Variants in FAM13A observed in about 807,000 individuals in gnomAD.
The protein encoded by FAM13A is family with sequence similarity 13 member A.
A neutral mutation model predicts 129.6 loss-of-function variants in FAM13A; 76 were observed. That is an observed-to-expected ratio of 0.59 (90% CI 0.49 to 0.71). The LOEUF is 0.71. Ranked by LOEUF, FAM13A falls within the 30% of genes least tolerant of loss-of-function variation. FAM13A has a pLI of 0.00. For synonymous variants in FAM13A, 443 were observed against 449.9 expected, an observed-to-expected ratio of 0.98 and a Z score of 0.20; for missense variants, 1,108 against 1,249.3, an observed-to-expected ratio of 0.89 and a Z score of 1.70.
intron 1 of FAM13A, among the ~76,000 whole-genome samples, chr4:89,041,817 G>A (rs977898144): frequency 2.6e-5 from 4 of 151,964 alleles, no homozygotes; most frequent in South Asian, 4.2e-4. Flanking sequence ...CTACTCCAGA[G>A]GCTGAGGCAC....
intron 1 of FAM13A, among the ~76,000 whole-genome samples, chr4:89,036,898 A>T (rs1404386697): frequency 6.6e-6 from 1 of 152,212 alleles, no homozygotes; most frequent in African/African-American, 2.4e-5. Context: ...CTATGGGTGC[A>T]CAGAGGGCAA....
intron 4 of FAM13A, among the ~76,000 whole-genome samples, chr4:88,986,619 C>A (rs68145450): frequency 1.5e-4 from 23 of 152,322 alleles, no homozygotes; most frequent in Non-Finnish European, 1.6e-4. Context: ...TAGGACAGTA[C>A]GGACTGCCCG....
At chr4:88,907,633 A>T (rs1334157477) in intron 5 of FAM13A, among the ~76,000 whole-genome samples, 1 of 152,178 alleles carries the variant, frequency 6.6e-6, no homozygotes, top group East Asian at 1.9e-4. Flanking sequence ...GCTAGGAACT[A>T]TTATCATCAT....
intron 6 of FAM13A, among the ~76,000 whole-genome samples, chr4:88,880,085 C>T (rs531400186): frequency 9.0e-4 from 137 of 152,012 alleles, no homozygotes; most frequent in South Asian, 4.6e-3. Context: ...AATATAAAAT[C>T]CAAGGGAAGC....
rs558008589 is a variant in FAM13A, at chr4:89,014,747, G to C, written c.427+5713C>G. ...TGTCTTACTTTAATCTCTTAATCCT[G>C]TCATCTTCATAAGCTGAGGATGTAT... On this transcript the variant is annotated intron_variant, in intron 3 of 23. Transcript: ENST00000264344. 1.3e-4 allele frequency among the ~76,000 whole-genome samples: 20 copies of C among 152,176 alleles called. No homozygotes were observed. In the South Asian group the frequency reaches 1.5e-3, roughly 11 times the overall value.
At chr4:88,859,442 C>T (rs1739112419) in intron 6 of FAM13A, among the ~76,000 whole-genome samples, 1 of 152,046 alleles carries the variant, frequency 6.6e-6, no homozygotes, top group South Asian at 2.1e-4. Context: ...ACACTGTGGG[C>T]CCAGAGGCAG....
rs201959367 is a variant in FAM13A at position 88,768,070 on chromosome 4, A to G, written c.1459-11T>C. On this transcript the variant is annotated splice_polypyrimidine_tract_variant and intron_variant, in intron 11 of 23. Coordinates refer to ENST00000264344, the MANE Select transcript of FAM13A (RefSeq NM_014883.4). ...GAGACTTTCCATATTCTGTAACAGAACCATTATTGGTTGCCTAATAGGAAT... is the reference window on the plus strand; with the variant it reads ...GAGACTTTCCATATTCTGTAACAGAGCCATTATTGGTTGCCTAATAGGAAT... The G allele has an allele frequency of 3.9e-6, 6 of 1,555,382 alleles. No homozygotes were observed. The African/African-American group carries it at 6.8e-5, about 18-fold the overall frequency.
At chr4:88,863,353 G>GGTGTGCCCAGAAGGGGCACTGAAGTT (rs1224391424) in intron 6 of FAM13A, among the ~76,000 whole-genome samples, 45 of 152,278 alleles carry the variant, frequency 3.0e-4, no homozygotes, top group Admixed American at 5.9e-4. Context: ...CTGCGAGGGT[G>GGTGTGCCCAGAAGGGGCACTGAAGTT]GTGTGCCCAG....
chr4:89,030,651 G>A (rs1768564010), intron 1 of FAM13A, among the ~76,000 whole-genome samples: 1 of 152,086 alleles, frequency 6.6e-6, no homozygotes, highest in Non-Finnish European at 1.5e-5. Flanking sequence ...ATCTAGAGTT[G>A]AGGAAGCAAA....
chr4:88,998,831 A>G (rs1763885939), intron 3 of FAM13A, among the ~76,000 whole-genome samples: 1 of 152,204 alleles, frequency 6.6e-6, no homozygotes, highest in Admixed American at 6.5e-5. Flanking sequence ...AGAAGCTTAT[A>G]TAGGCAACAG....
At chr4:88,911,744 C>T (rs925680960) in intron 5 of FAM13A, among the ~76,000 whole-genome samples, 7 of 152,208 alleles carry the variant, frequency 4.6e-5, no homozygotes, top group Non-Finnish European at 1.0e-4. Context: ...GTGACCATTC[C>T]CATCAATCAC....
At chr4:88,939,482 T>A (rs1421510846) in intron 4 of FAM13A, among the ~76,000 whole-genome samples, 1 of 152,196 alleles carries the variant, frequency 6.6e-6, no homozygotes, top group Non-Finnish European at 1.5e-5. Context: ...ATCCCTACCT[T>A]AATCACATCT....
intron 4 of FAM13A, among the ~76,000 whole-genome samples, chr4:88,966,775 T>C (rs1053296685): frequency 1.3e-5 from 2 of 152,168 alleles, no homozygotes; most frequent in African/African-American, 4.8e-5. Flanking sequence ...ATCAGAAATG[T>C]TATATTGAAT....
chr4:88,886,174 C>G (rs1191084129), intron 6 of FAM13A, among the ~76,000 whole-genome samples: 1 of 152,082 alleles, frequency 6.6e-6, no homozygotes, highest in Non-Finnish European at 1.5e-5. Context: ...GGGTATCTAC[C>G]CAGAGGAAGA....
At chr4:89,047,084 G>A (rs1770952990) in intron 1 of FAM13A, among the ~76,000 whole-genome samples, 2 of 152,126 alleles carry the variant, frequency 1.3e-5, no homozygotes, top group African/African-American at 4.8e-5. Context: ...CAGGGGAAGG[G>A]CAAGTAACAG....
At chr4:88,746,806 C>T (rs1311629422) in intron 19 of FAM13A, 126 bp downstream of exon 19, 2 of 661,982 alleles carry the variant, frequency 3.0e-6, no homozygotes, top group Non-Finnish European at 5.4e-6. Flanking sequence ...ATATACTAAC[C>T]TCCTTTATCC....
At chr4:88,959,707 A>G (rs1426255165) in intron 4 of FAM13A, among the ~76,000 whole-genome samples, 1 of 152,226 alleles carries the variant, frequency 6.6e-6, no homozygotes, top group East Asian at 1.9e-4. Flanking sequence ...AACAGTCCAC[A>G]TGGATAATCC....
At chr4:88,908,766 G>C (rs1748564033) in intron 5 of FAM13A, among the ~76,000 whole-genome samples, 1 of 152,208 alleles carries the variant, frequency 6.6e-6, no homozygotes, top group South Asian at 2.1e-4. Flanking sequence ...GGAAGAAGTA[G>C]TATTTATTGA....
At chr4:88,982,587 C>A (rs981306323) in intron 4 of FAM13A, among the ~76,000 whole-genome samples, 2 of 152,306 alleles carry the variant, frequency 1.3e-5, no homozygotes, top group African/African-American at 2.4e-5. Context: ...ACTAGACTAA[C>A]TTCCTTTTAT....
Sources: allele counts gnomAD v4.1 joint callset (sites outside exome capture counted in the v4.1 genomes callset), GRCh38; gene constraint gnomAD v4.1.1; transcripts MANE v1.5; gene names NCBI Gene and HGNC (gene_info 2026-07-23, HGNC 2026-07-21).